The following ANO10 variants were observed in gnomAD, a reference collection of about 807,000 sequenced individuals.
ANO10 encodes anoctamin-10.
In ANO10, 77 loss-of-function variants were observed where a neutral mutation model predicts 74.7. That is an observed-to-expected ratio of 1.03 (90% CI 0.86 to 1.25). The LOEUF (loss-of-function observed/expected upper bound fraction) is 1.25, where lower values mean the gene tolerates loss of function less well. Ranked by LOEUF, ANO10 falls within the 50% of genes most tolerant of loss-of-function variation. The probability of loss-of-function intolerance (pLI) is 0.00; values close to 1 mark genes in which losing one functional copy is unlikely to be tolerated. For synonymous variants in ANO10, 279 were observed against 284.9 expected (o/e 0.98, Z 0.21); for missense variants, 721 against 778.1 (o/e 0.93, Z 0.87).
At chr3:43,602,437 A>G (rs1392525054) in intron 2 of ANO10, among the ~76,000 whole-genome samples, 2 of 152,162 alleles carry the variant, frequency 1.3e-5, no homozygotes, top group Non-Finnish European at 2.9e-5. Flanking sequence ...TCTGGGTTCA[A>G]GTGATTCTCC....
At chr3:43,455,968 T>C (rs912650466) in intron 11 of ANO10, among the ~76,000 whole-genome samples, 7 of 152,218 alleles carry the variant, frequency 4.6e-5, no homozygotes, top group African/African-American at 1.7e-4. Context: ...GCGTTAACTC[T>C]AATTTACGAT....
At chr3:43,470,683 G>C (rs1304928648) in intron 11 of ANO10, among the ~76,000 whole-genome samples, 1 of 151,718 alleles carries the variant, frequency 6.6e-6, no homozygotes, top group Non-Finnish European at 1.5e-5. Flanking sequence ...CTGGAGTGCA[G>C]TAATGCAATC....
chr3:43,671,151 A>G (rs1394643774), intron 1 of ANO10, among the ~76,000 whole-genome samples: 1 of 152,202 alleles, frequency 6.6e-6, no homozygotes, highest in Admixed American at 6.5e-5. Flanking sequence ...TAGAATTTTG[A>G]ATTCCTTGCA....
rs575622120 is a variant in ANO10 at position 43,531,773 on chromosome 3, T to C, written c.1797+17947A>G. On this transcript the variant is annotated intron_variant, in intron 11 of 12. Coordinates refer to ENST00000292246, the MANE Select transcript of ANO10 (RefSeq NM_018075.5). ...AGCCAGGCGTGGTAGTGAGCACCTG[T>C]AGTCCCAGCTACTCAGGAGGCTGAG... Among the ~76,000 whole-genome samples, 55 of 151,960 alleles carry C rather than the reference T, an allele frequency of 3.6e-4. 2 individuals are homozygous for C. The South Asian group carries it at 0.011, about 29-fold the overall frequency.
intron 12 of ANO10, among the ~76,000 whole-genome samples, chr3:43,424,345 A>C (rs1368147846): frequency 6.6e-6 from 1 of 152,210 alleles, no homozygotes; most frequent in African/African-American, 2.4e-5. Context: ...CTTAGTTTAT[A>C]GTTTAACTTT....
chr3:43,463,440 C>T (rs766264523), intron 11 of ANO10, among the ~76,000 whole-genome samples: 2 of 152,184 alleles, frequency 1.3e-5, no homozygotes, highest in African/African-American at 4.8e-5. Flanking sequence ...ACCCCAGGTG[C>T]CACAAAAGTG....
intron 11 of ANO10, among the ~76,000 whole-genome samples, chr3:43,540,630 C>T (rs1034798708): frequency 6.6e-6 from 1 of 152,124 alleles, no homozygotes; most frequent in African/African-American, 2.4e-5. Flanking sequence ...GATTTGGGAA[C>T]AAAATGCCTC....
intron 1 of ANO10, among the ~76,000 whole-genome samples, chr3:43,628,810 T>C (rs542271654): frequency 6.6e-6 from 1 of 152,184 alleles, no homozygotes; most frequent in South Asian, 2.1e-4. Context: ...AAGAGGAAAT[T>C]CCCACCTAAT....
upstream of ANO10, among the ~76,000 whole-genome samples, chr3:43,624,108 T>G (rs2083472500): frequency 6.6e-6 from 1 of 152,202 alleles, no homozygotes; most frequent in Admixed American, 6.5e-5. Flanking sequence ...AACTTTCTGT[T>G]AAGTATAGCA....
rs555407805 is a variant in ANO10, at chr3:43,376,907, G to T, written c.1915-9933C>A. 3.9e-5 allele frequency among the ~76,000 whole-genome samples: 6 copies of T among 152,196 alleles called. No homozygotes were observed. The South Asian group carries it at 1.2e-3, about 32-fold the overall frequency. ...AGTGAGCTGTTTCAGATGCCAGCGA[G>T]GTCTACAATCTTCTTGTGTATTATC... On this transcript the variant is annotated intron_variant, in intron 12 of 12. Transcript: ENST00000292246.
intron 12 of ANO10, among the ~76,000 whole-genome samples, chr3:43,407,634 AAC>A (rs1296296111): frequency 6.6e-6 from 1 of 152,218 alleles, no homozygotes; most frequent in Non-Finnish European, 1.5e-5. Flanking sequence ...TAACTAAGAG[AAC>A]ACAGAGAAGA....
chr3:43,667,308 C>T (rs1357213494), intron 1 of ANO10, among the ~76,000 whole-genome samples: 1 of 152,024 alleles, frequency 6.6e-6, no homozygotes, highest in Non-Finnish European at 1.5e-5. Flanking sequence ...TCAGGCTAGT[C>T]TCAAACTGCT....
chr3:43,595,609 T>C (rs1308736025), intron 4 of ANO10, among the ~76,000 whole-genome samples: 1 of 152,166 alleles, frequency 6.6e-6, no homozygotes, highest in Non-Finnish European at 1.5e-5. Context: ...ATGGGATGTA[T>C]CTCAAAATAA....
chr3:43,596,998 C>A (rs561181933), intron 4 of ANO10, among the ~76,000 whole-genome samples: 9 of 152,062 alleles, frequency 5.9e-5, no homozygotes, highest in Non-Finnish European at 8.8e-5. Flanking sequence ...ATGCAGCCAA[C>A]AGACACATGA....
At chr3:43,558,159 C>T (rs1233784888) in intron 9 of ANO10, among the ~76,000 whole-genome samples, 1 of 149,524 alleles carries the variant, frequency 6.7e-6, no homozygotes, top group African/African-American at 2.5e-5. Context: ...TCCATTAATA[C>T]ATTTAAATAA....
Position 43,470,596 on chromosome 3 carries a change from TTTTATTTA to T in ANO10, c.1798-37877_1798-37870del, listed in dbSNP as rs61427290. On this transcript the variant is annotated intron_variant, in intron 11 of 12. Coordinates refer to ENST00000292246, the MANE Select transcript of ANO10 (RefSeq NM_018075.5). The stretch of plus-strand genomic sequence containing the variant: ...TCTGCCTGCCTCGGCCTGGTAATTA[TTTTATTTA>T]TTTATTTATTTATTTATTTATTTAT... Among the ~76,000 whole-genome samples, 703 of 143,960 alleles carry T rather than the reference TTTTATTTA, an allele frequency of 4.9e-3. 6 individuals carry two copies. Among genetic ancestry groups the T allele is most frequent in the African/African-American group, 0.017 (657 of 39,748 alleles). The allele number at this position is 143,960 out of a possible 152,430, so 94.4% of individuals were successfully genotyped here.
At chr3:43,596,433 G>A (rs1225181027) in intron 4 of ANO10, among the ~76,000 whole-genome samples, 3 of 152,074 alleles carry the variant, frequency 2.0e-5, no homozygotes, top group Non-Finnish European at 4.4e-5. Flanking sequence ...CAATGGAACA[G>A]AACAGAGCCC....
chr3:43,558,556 A>T (rs2079874329), intron 9 of ANO10, among the ~76,000 whole-genome samples: 1 of 152,212 alleles, frequency 6.6e-6, no homozygotes, highest in African/African-American at 2.4e-5. Flanking sequence ...TTCTACAGGG[A>T]GTGAGAAAGT....
intron 1 of ANO10, among the ~76,000 whole-genome samples, chr3:43,615,367 T>TTGTGTG (rs10662980): frequency 1.3e-5 from 2 of 151,286 alleles, no homozygotes; most frequent in African/African-American, 2.4e-5. Context: ...CATCAAGCTA[T>TTGTGTG]TGTGTGTGTG....
Sources: allele counts gnomAD v4.1 joint callset (sites outside exome capture counted in the v4.1 genomes callset), GRCh38; gene constraint gnomAD v4.1.1; transcripts MANE v1.5; gene names NCBI Gene and HGNC (gene_info 2026-07-23, HGNC 2026-07-21).